The following ABR variants were observed in gnomAD, a reference collection of about 807,000 sequenced individuals.
ABR encodes ABR activator of RhoGEF and GTPase.
In ABR, 35 loss-of-function variants were observed where a neutral mutation model predicts 107.2. The ratio of observed to expected loss-of-function variants is 0.33; its 90% CI spans 0.25 to 0.43. ABR has a LOEUF of 0.43. ABR is among the 20% of genes least tolerant of loss of function. ABR has a pLI of 1.00. For synonymous variants in ABR, 498 were observed against 462.0 expected (o/e 1.08, Z -1.00); for missense variants, 815 against 1,115.2 (o/e 0.73, Z 3.83).
chr17:1,211,204 A>G (rs1160412737), intron 1 of ABR, among the ~76,000 whole-genome samples: 1 of 152,156 alleles, frequency 6.6e-6, no homozygotes, highest in African/African-American at 2.4e-5. Context: ...GCTTGAGCCC[A>G]GGAGGCAGAG....
chr17:1,034,384 G>A (rs1346728211), intron 16 of ABR, among the ~76,000 whole-genome samples: 1 of 152,166 alleles, frequency 6.6e-6, no homozygotes, highest in East Asian at 1.9e-4. Flanking sequence ...AAGCAGAGAT[G>A]TCCATCAACA....
In ABR at chr17:1,101,927, A is replaced by G. The variant is rs375775317; in HGVS notation, c.247-1192T>C. Among the ~76,000 whole-genome samples the G allele has an allele frequency of 2.2e-3, 335 of 151,766 alleles. 2 individuals carry two copies. The highest frequency in any genetic ancestry group is 2.8e-3 in the Admixed American group (42 of 15,232). On this transcript the variant is annotated intron_variant, in intron 2 of 22. Transcript: ENST00000302538. ...TTTTTGTATTTTTAGTAGAGCCGGG[A>G]TTTCACCGTGTTAGCCAGGATGGTC...
Position 1,067,067 on chromosome 17 carries a change from C to T in ABR, c.1182+10G>A. On this transcript the variant is annotated intron_variant, in intron 10 of 22. Transcript: ENST00000302538. ...AAGGGCCCCAGGCTCAGATACCAAG[C>T]TCTGCTCACCTCCTTCTGGATTTCA... 6.2e-7 allele frequency: 1 copy of T among 1,612,258 alleles called. No individual in the cohort carries two copies. Among genetic ancestry groups the T allele is most frequent in the Non-Finnish European group, 8.5e-7 (1 of 1,179,152 alleles).
chr17:1,047,209 G>A (rs901590230), intron 16 of ABR, among the ~76,000 whole-genome samples: 2 of 152,266 alleles, frequency 1.3e-5, no homozygotes, highest in Admixed American at 6.5e-5. Flanking sequence ...CTATCTCAAA[G>A]CCACCTCCGA....
rs879932555 is a variant in ABR at position 1,092,383 on chromosome 17, G to T, written c.346-533C>A. 6.6e-6 allele frequency among the ~76,000 whole-genome samples: 1 copy of T among 152,132 alleles called. No homozygotes were observed. The highest frequency in any genetic ancestry group is 1.5e-5 in the Non-Finnish European group (1 of 68,020). On this transcript the variant is annotated intron_variant, in intron 3 of 22. Transcript: ENST00000302538. This position sits in a 1 kb window ranked among gnomAD's most constrained non-coding sequence, Gnocchi z 4.6. ...CACAGGGAGAGGCATGGGCGTTCAC[G>T]TGTCCCCCACTGCAGCCCACCCCCG...
intron 12 of ABR, among the ~76,000 whole-genome samples, chr17:1,057,367 G>C (rs117237122): frequency 0.013 from 1,494 of 112,770 alleles, 14 homozygotes; most frequent in Non-Finnish European, 0.02. Context: ...TGTGTGTGTG[G>C]TGTATGCGTT....
At chr17:1,049,998 G>A in intron 16 of ABR, 52 bp downstream of exon 16, 2 of 1,569,054 alleles carry the variant, frequency 1.3e-6, no homozygotes, top group Non-Finnish European at 8.6e-7. Context: ...CTTTTCAACT[G>A]GAACCACCTC....
intron 12 of ABR, 21 bp from the exon 13 acceptor site, chr17:1,057,123 GA>G: frequency 1.3e-6 from 2 of 1,559,638 alleles, no homozygotes; most frequent in South Asian, 1.1e-5. Context: ...AGCCGAGAGA[GA>G]AGGGAGCGTG....
upstream of ABR, among the ~76,000 whole-genome samples, chr17:1,181,157 C>T (rs954506798): frequency 6.6e-6 from 1 of 152,232 alleles, no homozygotes; most frequent in African/African-American, 2.4e-5. Flanking sequence ...GGTCGGCACC[C>T]GCAGAACGCT....
At chr17:1,061,640 G>A (rs1308167611) in intron 10 of ABR, among the ~76,000 whole-genome samples, 2 of 151,820 alleles carry the variant, frequency 1.3e-5, no homozygotes, top group Non-Finnish European at 2.9e-5. Flanking sequence ...TCCACCTCCC[G>A]GGTTCACACA....
intron 1 of ABR, among the ~76,000 whole-genome samples, chr17:1,208,655 G>A (rs570667164): frequency 2.6e-5 from 4 of 152,316 alleles, no homozygotes; most frequent in Non-Finnish European, 4.4e-5. Flanking sequence ...TTGGGAGGCC[G>A]AGGCGGGCGG....
At chr17:1,061,238 G>A (rs899777008) in intron 10 of ABR, among the ~76,000 whole-genome samples, 59 of 152,136 alleles carry the variant, frequency 3.9e-4, no homozygotes, top group African/African-American at 1.4e-3. Flanking sequence ...CTGCACAGCT[G>A]GGGCAACGGG....
Position 1,009,670 on chromosome 17 carries a change from C to T in ABR, c.2342+9G>A, listed in dbSNP as rs1197372470. ...CTGAGGAGGTGGGGTTGGGGCCGCTCCCCGTTACCTTTTCAAGTGTTCCAG... is the reference window on the plus strand; with the variant it reads ...CTGAGGAGGTGGGGTTGGGGCCGCTTCCCGTTACCTTTTCAAGTGTTCCAG... On this transcript the variant is annotated intron_variant, in intron 21 of 22. Transcript: ENST00000302538. 6.2e-7 allele frequency: 1 copy of T among 1,612,094 alleles called. No homozygotes were observed. Among genetic ancestry groups the T allele is most frequent in the South Asian group, 1.1e-5 (1 of 91,024 alleles).
intron 16 of ABR, among the ~76,000 whole-genome samples, chr17:1,028,153 T>TGC (rs2072378402): frequency 3.3e-5 from 5 of 152,130 alleles, no homozygotes; most frequent in East Asian, 1.9e-4. Flanking sequence ...TGCAGTGGCA[T>TGC]GATCTCGGCT....
rs556388023 is a variant in ABR, at chr17:1,206,530, GACAGGCATTTGGAA to G, written c.838+22249_838+22262del. 2.3e-3 allele frequency among the ~76,000 whole-genome samples: 347 copies of G among 152,292 alleles called. 2 individuals are homozygous for G. Among genetic ancestry groups the G allele is most frequent in the African/African-American group, 8.1e-3 (335 of 41,564 alleles). On this transcript the variant is annotated intron_variant, in intron 1 of 22. Transcript: ENST00000574139. ...TCTCAGCCTCCTGAGTAGCCAGGAT[GACAGGCATTTGGAA>G]ACTGAAAAGTGGAAATAACCAGCTT... is the stretch of plus-strand genomic sequence containing the variant.
chr17:1,062,414 C>G (rs369751940), intron 10 of ABR, among the ~76,000 whole-genome samples: 1 of 89,532 alleles, frequency 1.1e-5, no homozygotes, highest in South Asian at 4.0e-4. Flanking sequence ...ACTGTTGTTA[C>G]GTGAACTGAG....
rs1403223961 is a variant in ABR at position 1,148,825 on chromosome 17, T to G, written c.62-23458A>C. ...GGCCGCACCAGAGTGTGAACGTGCCTCGGGCCACTGATGCGTACACTGGAT... is the reference window on the plus strand; with the variant it reads ...GGCCGCACCAGAGTGTGAACGTGCCGCGGGCCACTGATGCGTACACTGGAT... On this transcript the variant is annotated intron_variant, in intron 1 of 22. Transcript: ENST00000302538. The surrounding 1 kb of genome is among the most constrained non-coding windows in gnomAD (Gnocchi z 4.9). 6.6e-6 allele frequency among the ~76,000 whole-genome samples: 1 copy of G among 152,204 alleles called. No individual in the cohort carries two copies. Among genetic ancestry groups the G allele is most frequent in the Admixed American group, 6.5e-5 (1 of 15,284 alleles).
intron 21 of ABR, among the ~76,000 whole-genome samples, chr17:1,008,045 G>A (rs1018088584): frequency 1.3e-5 from 2 of 151,926 alleles, no homozygotes; most frequent in African/African-American, 4.8e-5. Context: ...GTGCCTCTCC[G>A]GAAGGGTCTG....
intron 21 of ABR, among the ~76,000 whole-genome samples, chr17:1,009,153 C>T (rs929857985): frequency 1.3e-5 from 2 of 151,698 alleles, no homozygotes; most frequent in Non-Finnish European, 2.9e-5. Flanking sequence ...TACAATGTAT[C>T]CTCCTGCTGT....
Sources: allele counts gnomAD v4.1 joint callset (sites outside exome capture counted in the v4.1 genomes callset), GRCh38; gene constraint gnomAD v4.1.1; non-coding constraint Gnocchi (gnomAD v3.1); transcripts MANE v1.5; gene names NCBI Gene and HGNC (gene_info 2026-07-23, HGNC 2026-07-21).